The following PRKN variants were observed in gnomAD, a reference collection of about 807,000 sequenced individuals.
The protein encoded by PRKN is E3 ubiquitin-protein ligase parkin.
Under a neutral mutation model 59.5 loss-of-function variants are expected in PRKN, and 56 were observed. The ratio of observed to expected loss-of-function variants is 0.94; its 90% confidence interval spans 0.76 to 1.18. The LOEUF is 1.18. Among genes scored for constraint, PRKN ranks in the 50% most tolerant of loss-of-function variants. PRKN has a pLI of 0.00. For synonymous variants in PRKN, 250 were observed against 222.1 expected (o/e 1.13, Z -1.12); for missense variants, 657 against 596.4 (o/e 1.10, Z -1.06).
At chr6:162,146,479 A>G (rs1782032793) in intron 4 of PRKN, among the ~76,000 whole-genome samples, 1 of 150,674 alleles carries the variant, frequency 6.6e-6, no homozygotes, top group Non-Finnish European at 1.5e-5. Flanking sequence ...ATATATATAT[A>G]CGTATGTATA....
intron 3 of PRKN, among the ~76,000 whole-genome samples, chr6:162,204,789 C>T (rs932598317): frequency 2.0e-5 from 3 of 151,752 alleles, no homozygotes; most frequent in African/African-American, 4.8e-5. Flanking sequence ...CGTGAGTCAC[C>T]GTGGCCATTC....
intron 6 of PRKN, among the ~76,000 whole-genome samples, chr6:161,857,238 G>A (rs9355362): frequency 0.5 from 75,715 of 151,986 alleles, 19,106 homozygotes; most frequent in East Asian, 0.76. Context: ...CAAAAAATAA[G>A]AAGAATCAGA....
At chr6:161,858,203 A>G (rs1250228439) in intron 6 of PRKN, among the ~76,000 whole-genome samples, 1 of 152,236 alleles carries the variant, frequency 6.6e-6, no homozygotes, top group Non-Finnish European at 1.5e-5. Context: ...TTTTGCTTCA[A>G]TGATTTGCTA....
chr6:162,579,655 TCA>T (rs368330624), intron 1 of PRKN, among the ~76,000 whole-genome samples: 2,063 of 151,312 alleles, frequency 0.014, 42 homozygotes, highest in African/African-American at 0.043. Context: ...TTACACAAAT[TCA>T]CACACACAGA....
chr6:162,464,545 G>A (rs1453561836), intron 1 of PRKN, among the ~76,000 whole-genome samples: 1 of 151,858 alleles, frequency 6.6e-6, no homozygotes, highest in African/African-American at 2.4e-5. Context: ...GCCGGGCGCA[G>A]TGGCTCATGC....
chr6:162,182,764 C>G (rs1783853516), intron 4 of PRKN, among the ~76,000 whole-genome samples: 1 of 152,162 alleles, frequency 6.6e-6, no homozygotes, highest in African/African-American at 2.4e-5. Flanking sequence ...TGTTCTGTGG[C>G]AAGCCTGCTT....
chr6:161,953,032 T>C (rs1393911514), intron 6 of PRKN, among the ~76,000 whole-genome samples: 1 of 152,186 alleles, frequency 6.6e-6, no homozygotes, highest in Non-Finnish European at 1.5e-5. Context: ...AATGTAATAA[T>C]TGATATGGAA....
intron 9 of PRKN, among the ~76,000 whole-genome samples, chr6:161,420,989 C>A (rs1272236402): frequency 2.6e-5 from 4 of 152,252 alleles, no homozygotes; most frequent in African/African-American, 9.6e-5. Context: ...TCCTTGCTAA[C>A]CCCTAATTTT....
In PRKN at chr6:161,390,703, G is replaced by A. The variant is rs959467747; in HGVS notation, c.1084-3826C>T. Reference sequence around the variant, plus strand: ...GGGATTTCACCATGTTGGTCAGGCTGGTCTTGAACTCCTGACCTCAGGTGA... The same window carrying A: ...GGGATTTCACCATGTTGGTCAGGCTAGTCTTGAACTCCTGACCTCAGGTGA... On this transcript the variant is annotated intron_variant, in intron 9 of 11. Coordinates refer to ENST00000366898, the MANE Select transcript of PRKN (RefSeq NM_004562.3). The surrounding 1 kb of genome is among the most constrained non-coding windows in gnomAD (Gnocchi z 7.0). Among the ~76,000 whole-genome samples, 13 of 152,172 alleles carry A rather than the reference G, an allele frequency of 8.5e-5. No homozygotes were observed. Among genetic ancestry groups the A allele is most frequent in the African/African-American group, 2.9e-4 (12 of 41,470 alleles).
At chr6:161,602,105 T>TATCTATCG (rs1384754813) in intron 7 of PRKN, among the ~76,000 whole-genome samples, 1 of 40,664 alleles carries the variant, frequency 2.5e-5, no homozygotes, top group African/African-American at 5.1e-4. Context: ...TAGGGGAGAT[T>TATCTATCG]ATCTATCTAT....
intron 7 of PRKN, among the ~76,000 whole-genome samples, chr6:161,655,892 A>G (rs1582955505): frequency 1.6e-5 from 1 of 61,498 alleles, no homozygotes; most frequent in South Asian, 3.2e-4. Context: ...ACATACACAC[A>G]CACACACACA....
intron 9 of PRKN, among the ~76,000 whole-genome samples, chr6:161,482,008 C>CG (rs751972295): frequency 7.7e-6 from 1 of 129,050 alleles, no homozygotes; most frequent in Admixed American, 8.5e-5. Context: ...GTTCATTTTG[C>CG]GGGGGGTGGG....
intron 6 of PRKN, among the ~76,000 whole-genome samples, chr6:161,872,480 A>G (rs73603171): frequency 0.038 from 5,756 of 152,216 alleles, 366 homozygotes; most frequent in African/African-American, 0.13. Context: ...TAATGCCCTC[A>G]TATCAGACAT....
intron 7 of PRKN, among the ~76,000 whole-genome samples, chr6:161,674,858 G>A (rs1046753622): frequency 6.6e-6 from 1 of 152,212 alleles, no homozygotes; most frequent in East Asian, 1.9e-4. Flanking sequence ...GCCCTCTGGG[G>A]CTAGTGTCTA....
chr6:162,212,099 A>G (rs1350104872), intron 3 of PRKN, among the ~76,000 whole-genome samples: 3 of 152,148 alleles, frequency 2.0e-5, no homozygotes. Flanking sequence ...AAGTCTTTCT[A>G]TATCATGAGT....
chr6:161,839,353 G>T (rs1792889818), intron 6 of PRKN, among the ~76,000 whole-genome samples: 1 of 152,126 alleles, frequency 6.6e-6, no homozygotes, highest in Non-Finnish European at 1.5e-5. Flanking sequence ...GCTGCACTAA[G>T]TCGGGGGTCA....
chr6:162,623,398 A>C (rs1001242708), intron 1 of PRKN, among the ~76,000 whole-genome samples: 1 of 152,226 alleles, frequency 6.6e-6, no homozygotes, highest in African/African-American at 2.4e-5. Flanking sequence ...TGCTACATTA[A>C]ACGCTCCAGA....
chr6:161,812,495 G>GC (rs1442193205), intron 6 of PRKN, among the ~76,000 whole-genome samples: 9 of 152,154 alleles, frequency 5.9e-5, no homozygotes, highest in African/African-American at 2.2e-4. Flanking sequence ...GACCTATGTT[G>GC]AGAGTATACA....
chr6:162,618,751 C>G (rs1340983722), intron 1 of PRKN, among the ~76,000 whole-genome samples: 1 of 152,130 alleles, frequency 6.6e-6, no homozygotes. Flanking sequence ...CCTTGAAACT[C>G]CCCCCCAAAA....
Sources: allele counts gnomAD v4.1 joint callset (sites outside exome capture counted in the v4.1 genomes callset), GRCh38; gene constraint gnomAD v4.1.1; non-coding constraint Gnocchi (gnomAD v3.1); transcripts MANE v1.5; gene names NCBI Gene and HGNC (gene_info 2026-07-23, HGNC 2026-07-21).